TUSC3: variants seen among roughly 807,000 people sequenced by gnomAD.
The protein encoded by TUSC3 is dolichyl-diphosphooligosaccharide--protein glycosyltransferase subunit TUSC3.
In TUSC3, 45 loss-of-function variants were observed where a neutral mutation model predicts 44.8. That is an observed-to-expected ratio of 1.00 (90% CI 0.79 to 1.29). TUSC3 has a LOEUF of 1.29. Among genes scored for constraint, TUSC3 ranks in the 50% most tolerant of loss-of-function variants. The pLI, the probability that TUSC3 is intolerant of heterozygous loss-of-function variation, is 0.00. For synonymous variants in TUSC3, 212 were observed against 152.9 expected (o/e 1.39, Z -2.85); for missense variants, 519 against 437.9 (o/e 1.19, Z -1.65).
chr8:15,709,248 T>C (rs926889874), intron 6 of TUSC3, among the ~76,000 whole-genome samples: 4 of 151,880 alleles, frequency 2.6e-5, no homozygotes, highest in Non-Finnish European at 5.9e-5. Context: ...GAAAAAAGTT[T>C]TTATGTTAGT....
intron 2 of TUSC3, among the ~76,000 whole-genome samples, chr8:15,514,071 C>A (rs1356079836): frequency 1.3e-5 from 2 of 152,120 alleles, no homozygotes. Context: ...CTTCTATGCG[C>A]CACCACTTCC....
At chr8:15,779,553 A>G in the TUSC3 span, among the ~76,000 whole-genome samples, 1 of 152,330 alleles carries the variant, frequency 6.6e-6, no homozygotes, top group Non-Finnish European at 1.5e-5. Flanking sequence ...TTAAAATTTC[A>G]GTAAGTACTT....
the TUSC3 span, among the ~76,000 whole-genome samples, chr8:15,799,016 C>T: frequency 1.2e-4 from 18 of 152,284 alleles, no homozygotes; most frequent in East Asian, 3.1e-3. Context: ...GTCAATGTCT[C>T]TTCTATGGTT....
chr8:15,422,339 C>A (rs537509949), intron 1 of TUSC3, among the ~76,000 whole-genome samples: 98 of 152,184 alleles, frequency 6.4e-4, no homozygotes, highest in Middle Eastern at 3.4e-3. Flanking sequence ...AACCTAATAC[C>A]ACATGGTATC....
chr8:15,728,425 A>G (rs1246458834), intron 6 of TUSC3, among the ~76,000 whole-genome samples: 1 of 135,930 alleles, frequency 7.4e-6, no homozygotes, highest in Non-Finnish European at 1.6e-5. Flanking sequence ...TAGAGCCAAC[A>G]GTATTTTCTG....
intron 2 of TUSC3, among the ~76,000 whole-genome samples, chr8:15,510,374 G>A (rs903375965): frequency 1.3e-4 from 20 of 152,036 alleles, no homozygotes; most frequent in African/African-American, 4.4e-4. Flanking sequence ...AAAGAAGAGA[G>A]GGTACAATTA....
intron 2 of TUSC3, among the ~76,000 whole-genome samples, chr8:15,526,324 G>A (rs951792604): frequency 1.3e-5 from 2 of 152,126 alleles, no homozygotes; most frequent in African/African-American, 4.8e-5. Flanking sequence ...GAGCCACCGC[G>A]CCTGGCTAGG....
intron 1 of TUSC3, among the ~76,000 whole-genome samples, chr8:15,462,307 A>C (rs1305108135): frequency 6.6e-6 from 1 of 152,062 alleles, no homozygotes; most frequent in East Asian, 1.9e-4. Context: ...AACTATTACA[A>C]CTCAATAATA....
intron 6 of TUSC3, among the ~76,000 whole-genome samples, chr8:15,684,004 C>T (rs1308738258): frequency 6.6e-6 from 1 of 151,694 alleles, no homozygotes; most frequent in East Asian, 1.9e-4. Flanking sequence ...ATTCAGAGTG[C>T]AGTCCACCAG....
intron 1 of TUSC3, among the ~76,000 whole-genome samples, chr8:15,604,065 G>A (rs1050150381): frequency 2.0e-5 from 3 of 151,656 alleles, no homozygotes; most frequent in African/African-American, 7.3e-5. Context: ...CTACAGCAAT[G>A]CAGATAAATG....
At chr8:15,758,010 A>G in intron 10 of TUSC3, 155 bp downstream of exon 10, 3 of 1,434,268 alleles carry the variant, frequency 2.1e-6, no homozygotes, top group African/African-American at 2.9e-5. Flanking sequence ...GTCTTACATT[A>G]TTATGTTTAT....
chr8:15,631,530 C>A (rs80112411), intron 2 of TUSC3, among the ~76,000 whole-genome samples: 2,578 of 152,200 alleles, frequency 0.017, 152 homozygotes, highest in East Asian at 0.15. Context: ...TAATGTTTTG[C>A]CACTTTGCAT....
At chr8:15,810,950 G>C in the TUSC3 span, among the ~76,000 whole-genome samples, 4 of 152,284 alleles carry the variant, frequency 2.6e-5, no homozygotes, top group East Asian at 7.7e-4. Flanking sequence ...TGCTGGGTGA[G>C]TAAGGAGACA....
At chr8:15,835,418 T>C in the TUSC3 span, among the ~76,000 whole-genome samples, 4 of 152,274 alleles carry the variant, frequency 2.6e-5, no homozygotes, top group South Asian at 6.2e-4. Flanking sequence ...GTTCACACTT[T>C]TTCTCTTTTC....
chr8:15,777,525 TA>T, the TUSC3 span, among the ~76,000 whole-genome samples: 2,704 of 151,996 alleles, frequency 0.018, 55 homozygotes, highest in South Asian at 0.058. Context: ...TTTAAGTAGG[TA>T]AGACAAGAAA....
At chr8:15,600,691 C>G (rs17121697) in intron 1 of TUSC3, among the ~76,000 whole-genome samples, 2,718 of 151,660 alleles carry the variant, frequency 0.018, 68 homozygotes, top group African/African-American at 0.06. Flanking sequence ...TACTGTTTTG[C>G]CATGTAAGTT....
At chr8:15,433,586 A>ACAC (rs759789438) in intron 1 of TUSC3, among the ~76,000 whole-genome samples, 2,271 of 151,884 alleles carry the variant, frequency 0.015, 58 homozygotes, top group Middle Eastern at 0.051. Flanking sequence ...ACACATACAC[A>ACAC]CACCACCACC....
chr8:15,792,911 G>A, the TUSC3 span, among the ~76,000 whole-genome samples: 1 of 152,054 alleles, frequency 6.6e-6, no homozygotes, highest in East Asian at 1.9e-4. Flanking sequence ...GAGTCACCAT[G>A]CCCGACCACC....
chr8:15,607,149 G>C (rs1204370371), intron 1 of TUSC3, among the ~76,000 whole-genome samples: 1 of 152,028 alleles, frequency 6.6e-6, no homozygotes, highest in Admixed American at 6.6e-5. Context: ...GGTTGGGGGA[G>C]AGCGTCTGAA....
Sources: gnomAD v4.1 joint callset for allele counts (sites outside exome capture counted in the v4.1 genomes callset) on GRCh38, gnomAD v4.1.1 for gene constraint, MANE v1.5 for transcripts, NCBI Gene and HGNC (gene_info 2026-07-23, HGNC 2026-07-21) for gene names.